The following ITPR3 variants were observed in gnomAD, a reference collection of about 807,000 sequenced individuals.
ITPR3 encodes inositol 1,4,5-trisphosphate receptor type 3.
Under a neutral mutation model 293.2 loss-of-function variants are expected in ITPR3, and 173 were observed. That is an observed-to-expected ratio of 0.59 (90% CI 0.52 to 0.67). ITPR3 has a LOEUF of 0.67. Among genes scored for constraint, ITPR3 ranks in the 30% least tolerant of loss-of-function variants. ITPR3 has a pLI of 0.00. For missense variants in ITPR3, 2,796 were observed against 3,592.1 expected (o/e 0.78, Z 5.66); for synonymous variants, 1,295 against 1,444.4 (o/e 0.90, Z 2.35).
At position 33,674,233 on chromosome 6, in the gene ITPR3, C is replaced by T. The variant is rs200175768; in HGVS notation, c.3084C>T (p.Ile1028=). 31 of 1,614,034 alleles carry T rather than the reference C, an allele frequency of 1.9e-5. No individual in the cohort carries two copies. In the East Asian group the frequency reaches 2.7e-4, roughly 14 times the overall value. The change falls in exon 24 of 58, where the codon ATC becomes ATT. Residue 1028 remains isoleucine (I), a synonymous_variant. Coordinates refer to ENST00000605930, the MANE Select transcript of ITPR3 (RefSeq NM_002224.4). The part of the protein sequence containing the change: ...STTANMNLDR[I]GEQAEAMFGV... The stretch of plus-strand genomic sequence containing the variant: ...CTGCCAACATGAACCTGGATCGCAT[C>T]GGGGAGCAGGCGGAGGCCATGTTTG...
At position 33,621,425 on chromosome 6, in the gene ITPR3, C is replaced by A; in HGVS notation, c.-178C>A. ...GCACCTCCTCACCCGGACCCCGGGC[C>A]CCGCCGAGCCGCCTCCTGGCTCCCG... On this transcript the variant is annotated 5_prime_UTR_variant, in exon 1 of 58. Coordinates refer to ENST00000605930, the MANE Select transcript of ITPR3 (RefSeq NM_002224.4). This position sits in a 1 kb window ranked among gnomAD's most constrained non-coding sequence, Gnocchi z 7.7. The A allele has an allele frequency of 2.2e-6, 1 of 447,648 alleles. No homozygotes were observed. The highest frequency in any genetic ancestry group is 3.9e-6 in the Non-Finnish European group (1 of 253,390). 27.7% of individuals were successfully genotyped at this position (447,648 alleles called of 1,614,324 possible). A position where few individuals can be genotyped will look rare whatever the true frequency, so the allele number is the denominator to read the frequency against.
intron 1 of ITPR3, among the ~76,000 whole-genome samples, chr6:33,635,028 C>T (rs1245152560): frequency 6.6e-6 from 1 of 152,206 alleles, no homozygotes; most frequent in Non-Finnish European, 1.5e-5. Flanking sequence ...TGCCCTGCGG[C>T]TCCATCACCC....
intron 1 of ITPR3, among the ~76,000 whole-genome samples, chr6:33,625,750 C>G (rs1308034258): frequency 6.6e-6 from 1 of 152,136 alleles, no homozygotes; most frequent in Admixed American, 6.5e-5. Flanking sequence ...CTGCCTCTTA[C>G]CCATGGGATT....
Position 33,624,278 on chromosome 6 carries a change from C to T in ITPR3, c.89+2587C>T, listed in dbSNP as rs928371593. 6.6e-6 allele frequency among the ~76,000 whole-genome samples: 1 copy of T among 152,220 alleles called. No individual in the cohort carries two copies. Among genetic ancestry groups the T allele is most frequent in the African/African-American group, 2.4e-5 (1 of 41,438 alleles). On this transcript the variant is annotated intron_variant, in intron 1 of 57. Transcript: ENST00000605930. This position sits in a 1 kb window ranked among gnomAD's most constrained non-coding sequence, Gnocchi z 4.7. ...GCACCTTGCCAGGATTAACACCATT[C>T]ATATATTTAGCAGGTCTACAGGCAC...
At position 33,691,682 on chromosome 6, in the gene ITPR3, C is replaced by CTGTG. The variant is rs1554140291; in HGVS notation, c.7295_7298dup (p.Ser2434CysfsTer8). The CTGTG allele has an allele frequency of 1.2e-6, 2 of 1,613,950 alleles. No homozygotes were observed. Among genetic ancestry groups the CTGTG allele is most frequent in the African/African-American group, 2.7e-5 (2 of 74,882 alleles). The stretch of plus-strand genomic sequence containing the variant: ...ACACCTGCAGTGGGGACAAGATGGA[C>CTGTG]TGTGTCTCAGGGCTCTCGGTGCCTG... On this transcript the variant is annotated frameshift_variant, in exon 53 of 58. Coordinates refer to ENST00000605930, the MANE Select transcript of ITPR3 (RefSeq NM_002224.4). LOFTEE classifies it high-confidence loss of function. The surrounding 1 kb of genome is among the most constrained non-coding windows in gnomAD (Gnocchi z 4.9).
intron 1 of ITPR3, among the ~76,000 whole-genome samples, chr6:33,623,388 G>A (rs960468693): frequency 7.0e-6 from 1 of 142,568 alleles, no homozygotes; most frequent in Admixed American, 7.3e-5. Context: ...ATGCAGTGAT[G>A]CAATCTTGGC....
chr6:33,688,552 G>T, intron 48 of ITPR3, 104 bp from the exon 49 acceptor site: 1 of 1,545,136 alleles, frequency 6.5e-7, no homozygotes. Context: ...CCCCAAGGAA[G>T]GGCTCTTCCA....
Position 33,682,580 on chromosome 6 carries a change from T to C in ITPR3, c.4533T>C (p.Cys1511=), listed in dbSNP as rs747644894. The change falls in exon 34 of 58, where the codon TGT becomes TGC. Residue 1511 remains cysteine (C), a synonymous_variant. Transcript: ENST00000605930. The surrounding 1 kb of genome is among the most constrained non-coding windows in gnomAD (Gnocchi z 5.4). ...LLQSTTRLLE[C]PWLQQQHKGS... is the part of the protein sequence containing the mutation. The stretch of plus-strand genomic sequence containing the variant: ...AGTCTACCACACGCCTCCTCGAGTG[T>C]CCGTGGCTACAGCAGCAGCACAAGG... 1 of 1,593,890 alleles carries C rather than the reference T, an allele frequency of 6.3e-7. No homozygotes were observed. Among genetic ancestry groups the C allele is most frequent in the South Asian group, 1.1e-5 (1 of 88,634 alleles).
intron 43 of ITPR3, 92 bp from the exon 44 acceptor site, chr6:33,686,917 G>A: frequency 2.0e-6 from 2 of 996,274 alleles, no homozygotes; most frequent in Non-Finnish European, 3.1e-6. Context: ...TTTGTTGGAT[G>A]GGAGAGCTGT....
chr6:33,694,725 G>C, intron 56 of ITPR3, 199 bp from the exon 57 acceptor site: 18 of 578,620 alleles, frequency 3.1e-5, no homozygotes, highest in South Asian at 7.1e-5. Context: ...CGGTGGCAGA[G>C]GGTTGACAAG....
chr6:33,652,711 G>T (rs1019599572), intron 2 of ITPR3, among the ~76,000 whole-genome samples: 3 of 151,974 alleles, frequency 2.0e-5, no homozygotes, highest in African/African-American at 7.2e-5. Flanking sequence ...TGATCTGCCC[G>T]CCTTGGCCTC....
Position 33,686,117 on chromosome 6 carries a change from T to C in ITPR3, c.5732T>C (p.Leu1911Pro). 1 of 1,614,224 alleles carries C rather than the reference T, an allele frequency of 6.2e-7. No individual in the cohort carries two copies. Among genetic ancestry groups the C allele is most frequent in the Non-Finnish European group, 8.5e-7 (1 of 1,180,046 alleles). The stretch of plus-strand genomic sequence containing the variant: ...TTGGTATGCGAGACGCTGCAGTTCC[T>C]GGACATCATGTGCGGCAGCACCACG... ...YNLVCETLQF[L>P]DIMCGSTTGG... The change falls in exon 42 of 58, where the codon CTG becomes CCG. Residue 1911 changes from leucine to proline, a missense_variant. By Grantham distance (98) the Leu-to-Pro change is moderately conservative. Around this residue, in one of 8 missense-constraint regions of ITPR3, gnomAD observed 704 missense variants for 797.5 expected, o/e 0.88. Coordinates refer to ENST00000605930, the MANE Select transcript of ITPR3 (RefSeq NM_002224.4).
rs1561859954 is a variant in ITPR3 at position 33,655,655 on chromosome 6, CG to C, written c.161-106del. ...CTTCCTCTCTACCTGCAGCGGGGAA[CG>C]GGGGTGGGGAAGGGTTGGGAGAGAA... is the stretch of plus-strand genomic sequence containing the variant. On this transcript the variant is annotated intron_variant, in intron 2 of 57. Transcript: ENST00000605930. The surrounding 1 kb of genome is among the most constrained non-coding windows in gnomAD (Gnocchi z 4.9). The C allele has an allele frequency of 4.3e-6, 6 of 1,406,066 alleles. No homozygotes were observed. In the African/African-American group the frequency reaches 8.5e-5, roughly 20 times the overall value. The allele number at this position is 1,406,066 out of a possible 1,614,324, so 87.1% of individuals were successfully genotyped here. A position where few individuals can be genotyped will look rare whatever the true frequency, so the allele number is the denominator to read the frequency against.
Position 33,655,818 on chromosome 6 carries a change from C to G in ITPR3, c.213C>G (p.Tyr71Ter), listed in dbSNP as rs200966677. The change falls in exon 3 of 58, where the codon TAC becomes TAG. Residue 71 changes from tyrosine to a stop codon, truncating the protein, a stop_gained. Coordinates refer to ENST00000605930, the MANE Select transcript of ITPR3 (RefSeq NM_002224.4). LOFTEE classifies it high-confidence loss of function. This position sits in a 1 kb window ranked among gnomAD's most constrained non-coding sequence, Gnocchi z 4.9. ...PMNRYSAQKQ[Y>*]WKAKQTKQDK... ...ACCGCTACTCGGCCCAGAAGCAGTA[C>G]TGGAAGGCCAAGCAGACTAAGCAGG... is the stretch of plus-strand genomic sequence containing the variant. 1 of 1,614,090 alleles carries G rather than the reference C, an allele frequency of 6.2e-7. No individual in the cohort carries two copies. Among genetic ancestry groups the G allele is most frequent in the African/African-American group, 1.3e-5 (1 of 75,002 alleles).
rs374627810 is a variant in ITPR3, at chr6:33,691,042, C to T, written c.7158C>T (p.Val2386=). The part of the protein sequence containing the change: ...ALILVYLFSI[V]GFLFLKDDFI... ...TCCTGGTCTACCTCTTCTCCATCGT[C>T]GGCTTCCTCTTCCTCAAGGATGACT... The change falls in exon 52 of 58, where the codon GTC becomes GTT. Residue 2386 remains valine, a synonymous_variant. Coordinates refer to ENST00000605930, the MANE Select transcript of ITPR3 (RefSeq NM_002224.4). The surrounding 1 kb of genome is among the most constrained non-coding windows in gnomAD (Gnocchi z 4.9). 1.2e-4 allele frequency: 188 copies of T among 1,614,084 alleles called. No individual in the cohort carries two copies. Among genetic ancestry groups the T allele is most frequent in the South Asian group, 1.9e-4 (17 of 91,070 alleles).
Position 33,679,911 on chromosome 6 carries a change from G to A in ITPR3, c.4002G>A (p.Val1334=). The change falls in exon 31 of 58, where the codon GTG becomes GTA. Residue 1334 remains valine, a synonymous_variant. Coordinates refer to ENST00000605930, the MANE Select transcript of ITPR3 (RefSeq NM_002224.4). The surrounding 1 kb of genome is among the most constrained non-coding windows in gnomAD (Gnocchi z 4.2). The part of the protein sequence containing the change: ...ELTNAGDDVV[V]FYNDKASLAH... ...CCAATGCAGGTGACGATGTGGTCGTGTTCTACAATGATAAGGCATCGCTGG... is the reference window on the plus strand; with the variant it reads ...CCAATGCAGGTGACGATGTGGTCGTATTCTACAATGATAAGGCATCGCTGG... The A allele has an allele frequency of 6.2e-7, 1 of 1,613,752 alleles. No homozygotes were observed.
intron 16 of ITPR3, 86 bp downstream of exon 16, chr6:33,668,050 TC>T (rs1764660439): frequency 1.4e-6 from 2 of 1,461,658 alleles, no homozygotes; most frequent in African/African-American, 2.8e-5. Flanking sequence ...TGTGAACTAT[TC>T]CTGCACCTGT....
At position 33,667,018 on chromosome 6, in the gene ITPR3, C is replaced by T; in HGVS notation, c.1552-111C>T. ...CTTAGAATCAGCTCGAAGCTGATGT[C>T]CGGGCTGGCTTTAGGGCAGAGTCAG... On this transcript the variant is annotated intron_variant, in intron 14 of 57. Coordinates refer to ENST00000605930, the MANE Select transcript of ITPR3 (RefSeq NM_002224.4). The surrounding 1 kb of genome is among the most constrained non-coding windows in gnomAD (Gnocchi z 4.4). 3 of 1,289,538 alleles carry T rather than the reference C, an allele frequency of 2.3e-6. No homozygotes were observed. Among genetic ancestry groups the T allele is most frequent in the Non-Finnish European group, 2.2e-6 (2 of 923,524 alleles). The allele number at this position is 1,289,538 out of a possible 1,614,324, so 79.9% of individuals were successfully genotyped here.
Position 33,684,074 on chromosome 6 carries a change from TC to T in ITPR3, c.4845del (p.Val1616CysfsTer32). ...RLKPLVQAELSVLVDVLHWPE... is the reference protein window; with the variant it reads ...RLKPLVQAELXVLVDVLHWPE... ...GAAGCCCCTGGTACAGGCTGAGCTG[TC>T]CGTGCTGGTGGATGTCCTGCACTGG... On this transcript the variant is annotated frameshift_variant, in exon 36 of 58. Transcript: ENST00000605930. LOFTEE classifies it high-confidence loss of function. This position sits in a 1 kb window ranked among gnomAD's most constrained non-coding sequence, Gnocchi z 4.2. The T allele has an allele frequency of 6.2e-7, 1 of 1,611,692 alleles. No homozygotes were observed. Among genetic ancestry groups the T allele is most frequent in the East Asian group, 2.2e-5 (1 of 44,886 alleles).
Sources: gnomAD v4.1 joint callset for allele counts (sites outside exome capture counted in the v4.1 genomes callset) on GRCh38, gnomAD v4.1.1 for gene constraint, gnomAD v4.1.1 regional missense constraint, Gnocchi (gnomAD v3.1) non-coding constraint, MANE v1.5 for transcripts, NCBI Gene and HGNC (gene_info 2026-07-23, HGNC 2026-07-21) for gene names.